Variants in MEI4 observed in about 807,000 individuals in gnomAD.
MEI4 encodes the protein meiosis-specific protein MEI4.
Under a neutral mutation model 31.4 loss-of-function variants are expected in MEI4, and 27 were observed. That is an observed-to-expected ratio of 0.86 (90% CI 0.63 to 1.19). The LOEUF (loss-of-function observed/expected upper bound fraction) is 1.19, where lower values mean the gene tolerates loss of function less well. Ranked by LOEUF, MEI4 falls within the 50% of genes most tolerant of loss-of-function variation. MEI4 has a pLI of 0.00. For missense variants in MEI4, 329 were observed against 398.9 expected (o/e 0.82, Z 1.49); for synonymous variants, 122 against 145.4 (o/e 0.84, Z 1.16).
chr6:77,904,408 T>C (rs896147679), intron 4 of MEI4, among the ~76,000 whole-genome samples: 2 of 152,092 alleles, frequency 1.3e-5, no homozygotes, highest in East Asian at 3.9e-4. Flanking sequence ...TTTTTTCACA[T>C]AGGTAATAAG....
In MEI4 at chr6:77,827,797, TA is replaced by T. The variant is rs1562004230; in HGVS notation, c.769-1133del. Among the ~76,000 whole-genome samples, 9 of 152,236 alleles carry T rather than the reference TA, an allele frequency of 5.9e-5. No individual in the cohort carries two copies. The South Asian group carries it at 1.9e-3, about 32-fold the overall frequency. On this transcript the variant is annotated intron_variant, in intron 3 of 4. Transcript: ENST00000684080. ...GTGTCAATTAAAATGTAAGGAAGAA[TA>T]GAGATTATTTTAATAATATTCATAT... is the stretch of plus-strand genomic sequence containing the variant.
rs112922341 is a variant in MEI4 at position 77,857,996 on chromosome 6, T to A, written c.900+28934T>A. ...GTGTACTTTTTAGTAATTTGTGTGA[T>A]AAACTGATGACATATTTTTGTGTTT... On this transcript the variant is annotated intron_variant, in intron 4 of 4. Coordinates refer to ENST00000684080, the MANE Select transcript of MEI4 (RefSeq NM_001322247.2). Among the ~76,000 whole-genome samples, 784 of 152,324 alleles carry A rather than the reference T, an allele frequency of 5.1e-3. 7 individuals are homozygous for A. The highest frequency in any genetic ancestry group is 0.018 in the African/African-American group (765 of 41,578).
chr6:77,857,269 A>G (rs1770767538), intron 4 of MEI4, among the ~76,000 whole-genome samples: 1 of 152,152 alleles, frequency 6.6e-6, no homozygotes, highest in Admixed American at 6.6e-5. Context: ...GAATGTTTTA[A>G]AAATATGGAT....
At chr6:77,913,097 G>T (rs754695472) in intron 4 of MEI4, among the ~76,000 whole-genome samples, 1 of 151,650 alleles carries the variant, frequency 6.6e-6, no homozygotes, top group African/African-American at 2.4e-5. Context: ...TATTCCATTG[G>T]TGTAATGTAT....
chr6:77,691,123 T>C (rs79839144), intron 2 of MEI4, among the ~76,000 whole-genome samples: 12,272 of 152,126 alleles, frequency 0.081, 716 homozygotes, highest in Admixed American at 0.13. Context: ...ATGAAAATAG[T>C]ATAGATGTGA....
intron 3 of MEI4, among the ~76,000 whole-genome samples, chr6:77,819,184 G>A (rs1235881352): frequency 6.6e-6 from 1 of 152,196 alleles, no homozygotes; most frequent in South Asian, 2.1e-4. Flanking sequence ...ACTTTTATAT[G>A]TGTATTTACC....
intron 4 of MEI4, among the ~76,000 whole-genome samples, chr6:77,915,977 T>C (rs1442423460): frequency 6.6e-6 from 1 of 152,074 alleles, no homozygotes; most frequent in African/African-American, 2.4e-5. Flanking sequence ...TTTATTTTTG[T>C]CTGACTGGGT....
chr6:77,738,384 A>C (rs556714210), intron 2 of MEI4, among the ~76,000 whole-genome samples: 56 of 152,352 alleles, frequency 3.7e-4, no homozygotes, highest in African/African-American at 1.3e-3. Context: ...AATTGCTAGA[A>C]TGGGATAAAT....
chr6:77,913,412 C>T (rs1766473274), intron 4 of MEI4, among the ~76,000 whole-genome samples: 1 of 152,120 alleles, frequency 6.6e-6, no homozygotes, highest in African/African-American at 2.4e-5. Flanking sequence ...CCATCCAGTC[C>T]TGAACTTTTT....
At chr6:77,821,438 G>A (rs776536666) in intron 3 of MEI4, among the ~76,000 whole-genome samples, 3 of 152,064 alleles carry the variant, frequency 2.0e-5, no homozygotes, top group African/African-American at 4.8e-5. Flanking sequence ...CTCAGCATGC[G>A]GTTTCCTTGT....
At chr6:77,706,802 A>G (rs1582044228) in intron 2 of MEI4, among the ~76,000 whole-genome samples, 1 of 152,104 alleles carries the variant, frequency 6.6e-6, no homozygotes, top group Admixed American at 6.5e-5. Flanking sequence ...CATGTGATAC[A>G]CCGGCTCCCT....
At chr6:77,905,475 CTTTTTTTTTTTTTTTTTTTTT>C (rs70974691) in intron 4 of MEI4, among the ~76,000 whole-genome samples, 8 of 93,346 alleles carry the variant, frequency 8.6e-5, no homozygotes, top group Admixed American at 1.3e-4. Flanking sequence ...AAATTTTCAG[CTTTTTTTTTTTTTTTTTTTTT>C]TTTTTTTTTT....
chr6:77,835,455 G>GA (rs1435613321), intron 4 of MEI4, among the ~76,000 whole-genome samples: 1 of 143,802 alleles, frequency 7.0e-6, no homozygotes, highest in African/African-American at 2.5e-5. Flanking sequence ...AGAAAAAAAG[G>GA]AAAAAATGGG....
rs555353170 is a variant in MEI4, at chr6:77,744,093, C to T, written c.233-17037C>T. ...TCCTCCAAAGGAATGCAGTTCCTCA[C>T]CAGCAATGGAACAAAGCTGGATGGA... On this transcript the variant is annotated intron_variant, in intron 2 of 4. Coordinates refer to ENST00000684080, the MANE Select transcript of MEI4 (RefSeq NM_001322247.2). 2.3e-3 allele frequency among the ~76,000 whole-genome samples: 350 copies of T among 152,282 alleles called. 3 individuals carry two copies. The highest frequency in any genetic ancestry group is 7.6e-3 in the African/African-American group (317 of 41,550).
chr6:77,879,105 C>G (rs1316949042), intron 4 of MEI4, among the ~76,000 whole-genome samples: 4 of 151,844 alleles, frequency 2.6e-5, no homozygotes, highest in Non-Finnish European at 4.4e-5. Flanking sequence ...ACATGAGTAA[C>G]CTGAGAAAAC....
intron 1 of MEI4, among the ~76,000 whole-genome samples, chr6:77,668,259 G>A (rs1038395433): frequency 6.6e-6 from 1 of 152,156 alleles, no homozygotes; most frequent in Non-Finnish European, 1.5e-5. Context: ...TAGGTCCTTG[G>A]AGGGTGATTT....
At chr6:77,915,301 C>CA (rs1766519692) in intron 4 of MEI4, among the ~76,000 whole-genome samples, 1 of 152,036 alleles carries the variant, frequency 6.6e-6, no homozygotes, top group African/African-American at 2.4e-5. Context: ...GGACTCCTTT[C>CA]AGCATTTCTT....
intron 1 of MEI4, among the ~76,000 whole-genome samples, chr6:77,664,448 C>T (rs1768580013): frequency 6.6e-6 from 1 of 152,094 alleles, no homozygotes; most frequent in Non-Finnish European, 1.5e-5. Flanking sequence ...GCTCCAGCCA[C>T]CTTTTTAAGA....
chr6:77,751,932 G>A lies in MEI4; in HGVS notation c.233-9198G>A, dbSNP rs573419532. Among the ~76,000 whole-genome samples the A allele has an allele frequency of 7.9e-5, 12 of 152,170 alleles. No homozygotes were observed. In the East Asian group the frequency reaches 9.7e-4, roughly 12 times the overall value. On this transcript the variant is annotated intron_variant, in intron 2 of 4. Transcript: ENST00000684080. Reference sequence around the variant, plus strand: ...AAAGCTTATCCACCATGATCAAGTCGGCTTCATCCTTGGGATGCAAGGCTA... The same window carrying A: ...AAAGCTTATCCACCATGATCAAGTCAGCTTCATCCTTGGGATGCAAGGCTA...
Sources: allele counts gnomAD v4.1 joint callset (sites outside exome capture counted in the v4.1 genomes callset), GRCh38; gene constraint gnomAD v4.1.1; transcripts MANE v1.5; gene names NCBI Gene and HGNC (gene_info 2026-07-23, HGNC 2026-07-21).